The following GPR153 variants were observed in gnomAD, a reference collection of about 807,000 sequenced individuals.
The protein encoded by GPR153 is G protein-coupled receptor 153, also known as probable G protein-coupled receptor 153.
A neutral mutation model predicts 34.1 loss-of-function variants in GPR153; 27 were observed. The observed-to-expected ratio is 0.79, with a 90% CI of 0.58 to 1.09. The LOEUF (loss-of-function observed/expected upper bound fraction) is 1.09, where lower values mean the gene tolerates loss of function less well. Ranked by LOEUF, GPR153 falls within the 50% of genes least tolerant of loss-of-function variation. The pLI is 0.00. For synonymous variants in GPR153, 408 were observed against 405.4 expected (o/e 1.01, Z -0.08); for missense variants, 848 against 860.2 (o/e 0.99, Z 0.18).
chr1:6,253,431 C>CA (rs1287656388), intron 3 of GPR153, among the ~76,000 whole-genome samples: 3 of 152,054 alleles, frequency 2.0e-5, no homozygotes, highest in Non-Finnish European at 2.9e-5. Context: ...AAAACAAAAA[C>CA]AAAAAAATGG....
At chr1:6,258,947 G>A (rs757058135) in intron 1 of GPR153, among the ~76,000 whole-genome samples, 1 of 152,238 alleles carries the variant, frequency 6.6e-6, no homozygotes, top group Non-Finnish European at 1.5e-5. Context: ...GCCTAATGCT[G>A]CATTACTGCT....
rs777755814 is a variant in GPR153 at position 6,251,365 on chromosome 1, T to C, written c.952A>G (p.Met318Val). 31 of 1,610,602 alleles carry C rather than the reference T, an allele frequency of 1.9e-5. No homozygotes were observed. The highest frequency in any genetic ancestry group is 2.5e-5 in the Non-Finnish European group (29 of 1,177,896). Residue 318 changes from methionine (M) to valine (V), a missense_variant, in exon 4 of 6, where the codon ATG (methionine) becomes GTG (valine). Transcript: ENST00000377893. This position sits in a 1 kb window ranked among gnomAD's most constrained non-coding sequence, Gnocchi z 4.9. ...TCGTCTGACTCCTCGTCGTTGGCCA[T>C]GAGGGCCATGCACTTCTCCCGGACA... ...KAVREKCMAL[M>V]ANDEESDDET...
Position 6,247,376 on chromosome 1 carries a change from T to A in GPR153, c.*1962A>T, listed in dbSNP as rs966370808. 2.6e-5 allele frequency: 4 copies of A among 152,164 alleles called. No individual in the cohort carries two copies. Among genetic ancestry groups the A allele is most frequent in the African/African-American group, 9.7e-5 (4 of 41,426 alleles). The allele number at this position is 152,164 out of a possible 1,614,324, so 9.4% of individuals were successfully genotyped here. A position where few individuals can be genotyped will look rare whatever the true frequency, so the allele number is the denominator to read the frequency against. ...GGTGCAAATCATAAGGAAGTTTTTA[T>A]TGGGTCCTGTACAGAAGAGAAATGC... On this transcript the variant is annotated 3_prime_UTR_variant, in exon 6 of 6. Coordinates refer to ENST00000377893, the MANE Select transcript of GPR153 (RefSeq NM_207370.4).
chr1:6,260,454 C>T (rs1638650552), intron 1 of GPR153, among the ~76,000 whole-genome samples: 2 of 148,138 alleles, frequency 1.4e-5, no homozygotes, highest in Non-Finnish European at 3.0e-5. Flanking sequence ...CCGAGTCCTG[C>T]CCCACCCCGA....
chr1:6,256,455 C>T (rs969931499), intron 1 of GPR153, among the ~76,000 whole-genome samples: 4 of 151,878 alleles, frequency 2.6e-5, no homozygotes, highest in Non-Finnish European at 5.9e-5. Flanking sequence ...CTGCAACCTC[C>T]ACCTCCCGGG....
chr1:6,255,642 GTTTTTTT>G (rs59403526), intron 1 of GPR153, among the ~76,000 whole-genome samples: 6 of 38,848 alleles, frequency 1.5e-4, no homozygotes, highest in East Asian at 1.1e-3. Context: ...GCCTGGCTAC[GTTTTTTT>G]TTTTTTTTTT....
Position 6,249,165 on chromosome 1 carries a change from CT to C in GPR153, c.*172del, listed in dbSNP as rs535074819. 425 of 475,954 alleles carry C rather than the reference CT, an allele frequency of 8.9e-4. 7 individuals are homozygous for C. The highest frequency in any genetic ancestry group is 8.0e-3 in the African/African-American group (398 of 49,768). The allele number at this position is 475,954 out of a possible 1,614,324, so 29.5% of individuals were successfully genotyped here. On this transcript the variant is annotated 3_prime_UTR_variant, in exon 6 of 6. Coordinates refer to ENST00000377893, the MANE Select transcript of GPR153 (RefSeq NM_207370.4). The surrounding 1 kb of genome is among the most constrained non-coding windows in gnomAD (Gnocchi z 4.3). ...CAGTCGTCCGGGGCAGCCGTCGCCC[CT>C]GGGACAAGGCCAGCTGGGAGGAGCC... is the stretch of plus-strand genomic sequence containing the variant.
At chr1:6,260,383 C>CCG (rs1638646985) in intron 1 of GPR153, among the ~76,000 whole-genome samples, 1 of 58,454 alleles carries the variant, frequency 1.7e-5, no homozygotes, top group African/African-American at 7.5e-5. Context: ...CGATCCCCCC[C>CCG]CCCCCCCGCA....
In GPR153 at chr1:6,249,709, G is replaced by C. The variant is rs1302772687; in HGVS notation, c.1459C>G (p.Pro487Ala). The C allele has an allele frequency of 1.7e-5, 18 of 1,034,160 alleles. No homozygotes were observed. Among genetic ancestry groups the C allele is most frequent in the Non-Finnish European group, 2.1e-5 (18 of 864,004 alleles). 64.1% of individuals were successfully genotyped at this position (1,034,160 alleles called of 1,614,324 possible). A position where few individuals can be genotyped will look rare whatever the true frequency, so the allele number is the denominator to read the frequency against. ...GAGGCGGAGCGGGGGCCGGGCCCGG[G>C]GCGGCGGCGCGGGCTGCCGGGGGGC... is the stretch of plus-strand genomic sequence containing the variant. ...DSPPGSPRRR[P>A]GPGPRSASAS... is the part of the protein sequence containing the mutation. The change falls in exon 6 of 6, where the codon CCC becomes GCC. Residue 487 changes from proline (P) to alanine (A), a missense_variant. Physicochemically the swap from Pro to Ala is conservative, Grantham distance 27. Coordinates refer to ENST00000377893, the MANE Select transcript of GPR153 (RefSeq NM_207370.4). The surrounding 1 kb of genome is among the most constrained non-coding windows in gnomAD (Gnocchi z 4.3).
intron 3 of GPR153, among the ~76,000 whole-genome samples, chr1:6,253,210 G>A (rs940616674): frequency 2.6e-5 from 4 of 152,144 alleles, no homozygotes; most frequent in African/African-American, 9.7e-5. Context: ...TGACTAACAT[G>A]GTGAAAACCT....
intron 1 of GPR153, among the ~76,000 whole-genome samples, chr1:6,259,497 A>ATTTTTTTT (rs3035676): frequency 6.9e-6 from 1 of 144,146 alleles, no homozygotes. Flanking sequence ...GGAAAAGGGC[A>ATTTTTTTT]TTTTTTTTTT....
chr1:6,251,300 CGCCACTCTCCCTGGG>C lies in GPR153; in HGVS notation c.979+23_979+37del. ...GCCAACCCCAATGACCTAACCTAGA[CGCCACTCTCCCTGGG>C]GCCACTCTCAGGCCATCCTCACCAT... is the stretch of plus-strand genomic sequence containing the variant. On this transcript the variant is annotated intron_variant, in intron 4 of 5. Transcript: ENST00000377893. This position sits in a 1 kb window ranked among gnomAD's most constrained non-coding sequence, Gnocchi z 4.9. 6.6e-7 allele frequency: 1 copy of C among 1,521,500 alleles called. No homozygotes were observed. Among genetic ancestry groups the C allele is most frequent in the Non-Finnish European group, 8.9e-7 (1 of 1,118,804 alleles). 94.2% of individuals were successfully genotyped at this position (1,521,500 alleles called of 1,614,324 possible). A position where few individuals can be genotyped will look rare whatever the true frequency, so the allele number is the denominator to read the frequency against.
Position 6,251,687 on chromosome 1 carries a change from G to T in GPR153, c.787-157C>A. 1 of 432,316 alleles carries T rather than the reference G, an allele frequency of 2.3e-6. No individual in the cohort carries two copies. Among genetic ancestry groups the T allele is most frequent in the Non-Finnish European group, 3.1e-6 (1 of 324,280 alleles). The allele number at this position is 432,316 out of a possible 1,614,324, so 26.8% of individuals were successfully genotyped here. A position where few individuals can be genotyped will look rare whatever the true frequency, so the allele number is the denominator to read the frequency against. On this transcript the variant is annotated intron_variant, in intron 3 of 5. Transcript: ENST00000377893. This position sits in a 1 kb window ranked among gnomAD's most constrained non-coding sequence, Gnocchi z 4.9. The stretch of plus-strand genomic sequence containing the variant: ...GGGAGAAAAGAGCTGGAGCGTGGCA[G>T]TGGGAGGCCCCGCCTTCCGGGAGCT...
At chr1:6,259,705 C>T (rs1052244846) in intron 1 of GPR153, among the ~76,000 whole-genome samples, 2 of 152,090 alleles carry the variant, frequency 1.3e-5, no homozygotes, top group Non-Finnish European at 2.9e-5. Context: ...GGGGACAGGG[C>T]GTGGACACCG....
At position 6,249,643 on chromosome 1, in the gene GPR153, C is replaced by G. The variant is rs1296753220; in HGVS notation, c.1525G>C (p.Glu509Gln). The G allele has an allele frequency of 9.1e-7, 1 of 1,093,926 alleles. No homozygotes were observed. The allele number at this position is 1,093,926 out of a possible 1,614,324, so 67.8% of individuals were successfully genotyped here. The change falls in exon 6 of 6, where the codon GAG (glutamate) becomes CAG (glutamine). Residue 509 changes from glutamate to glutamine, a missense_variant. Transcript: ENST00000377893. This position sits in a 1 kb window ranked among gnomAD's most constrained non-coding sequence, Gnocchi z 4.3. The stretch of plus-strand genomic sequence containing the variant: ...CGGCGCAGGGCCTGTGGCTCGCACT[C>G]GAAGGCGGTCAGGGCGAAGGCGTCG... Reference protein sequence around the residue: ...LPDAFALTAFECEPQALRRPP... With the variant: ...LPDAFALTAFQCEPQALRRPP...
chr1:6,251,488 A>C lies in GPR153; in HGVS notation c.829T>G (p.Trp277Gly). 6.2e-7 allele frequency: 1 copy of C among 1,611,234 alleles called. No individual in the cohort carries two copies. The highest frequency in any genetic ancestry group is 1.3e-5 in the African/African-American group (1 of 75,018). ...SSLRADASAP[W>G]MALCVLWCSV... ...CACCACAGCACGCAGAGTGCCATCC[A>C]GGGCGCTGAGGCGTCGGCCCGCAGG... Residue 277 changes from tryptophan (W) to glycine (G), a missense_variant, in exon 4 of 6, where the codon TGG becomes GGG. Trp to Gly is a radical substitution (Grantham distance 184, BLOSUM62 -2). Coordinates refer to ENST00000377893, the MANE Select transcript of GPR153 (RefSeq NM_207370.4). This position sits in a 1 kb window ranked among gnomAD's most constrained non-coding sequence, Gnocchi z 4.9.
intron 1 of GPR153, among the ~76,000 whole-genome samples, chr1:6,259,933 T>TGTCTTCTG (rs1638634779): frequency 6.6e-6 from 1 of 151,504 alleles, no homozygotes; most frequent in African/African-American, 2.4e-5. Flanking sequence ...CTTAAAGCCC[T>TGTCTTCTG]GTCTTCTGCT....
intron 1 of GPR153, among the ~76,000 whole-genome samples, 157 bp from the exon 2 acceptor site, chr1:6,255,171 G>A (rs922429553): frequency 5.9e-5 from 9 of 151,376 alleles, no homozygotes; most frequent in African/African-American, 1.7e-4. Context: ...AGATTTAATT[G>A]CCATTCTAAT....
In GPR153 at chr1:6,254,848, G is replaced by C; in HGVS notation, c.58C>G (p.Leu20Val). ...SAVGWLVCGGLSLLANAWGIL... is the reference protein window; with the variant it reads ...SAVGWLVCGGVSLLANAWGIL... Reference sequence around the variant, plus strand: ...CCCCAGGCATTGGCCAGCAGGGAGAGGCCCCCACATACCAGCCAGCCCACT... The same window carrying C: ...CCCCAGGCATTGGCCAGCAGGGAGACGCCCCCACATACCAGCCAGCCCACT... The change falls in exon 2 of 6, where the codon CTC becomes GTC. Residue 20 changes from leucine (L) to valine (V), a missense_variant. By Grantham distance (32) the Leu-to-Val change is conservative. Coordinates refer to ENST00000377893, the MANE Select transcript of GPR153 (RefSeq NM_207370.4). 6.2e-7 allele frequency: 1 copy of C among 1,606,496 alleles called. No homozygotes were observed. The highest frequency in any genetic ancestry group is 1.1e-5 in the South Asian group (1 of 89,874).
Sources: gnomAD v4.1 joint callset for allele counts (sites outside exome capture counted in the v4.1 genomes callset) on GRCh38, gnomAD v4.1.1 for gene constraint, Gnocchi (gnomAD v3.1) non-coding constraint, MANE v1.5 for transcripts, NCBI Gene and HGNC (gene_info 2026-07-23, HGNC 2026-07-21) for gene names.